Variants in SEC11A observed in about 807,000 individuals in gnomAD.
SEC11A encodes signal peptidase complex catalytic subunit SEC11A.
SEC11A carries 14 observed loss-of-function variants against 25.6 expected under a neutral mutation model. The observed-to-expected ratio is 0.55, with a 90% confidence interval of 0.36 to 0.85. The LOEUF is 0.85. Among genes scored for constraint, SEC11A ranks in the 40% least tolerant of loss-of-function variants. The pLI, the probability that SEC11A is intolerant of heterozygous loss-of-function variation, is 0.01. For synonymous variants in SEC11A, 83 were observed against 76.4 expected (o/e 1.09, Z -0.45); for missense variants, 153 against 222.9 (o/e 0.69, Z 2.00).
intron 4 of SEC11A, among the ~76,000 whole-genome samples, chr15:84,676,934 TAA>T (rs928639622): frequency 1.3e-5 from 2 of 151,622 alleles, no homozygotes; most frequent in African/African-American, 4.8e-5. Context: ...CTACAAAAAT[TAA>T]AAAAATTAGC....
At chr15:84,689,661 G>A (rs1897543987) in intron 2 of SEC11A, among the ~76,000 whole-genome samples, 1 of 148,114 alleles carries the variant, frequency 6.8e-6, no homozygotes, top group Non-Finnish European at 1.5e-5. Context: ...AGGCTGGAGT[G>A]CAATGGAGCG....
chr15:84,672,409 GGCGC>G (rs963254420), intron 4 of SEC11A: 1 of 161,052 alleles, frequency 6.2e-6, no homozygotes, highest in African/African-American at 2.4e-5. Context: ...TGCGATTGCA[GGCGC>G]GCGCCGCCAC....
chr15:84,711,856 AG>A (rs1422569375), intron 1 of SEC11A, among the ~76,000 whole-genome samples: 1 of 151,930 alleles, frequency 6.6e-6, no homozygotes. Context: ...TATGACTATT[AG>A]CTAAAAGGAC....
intron 4 of SEC11A, among the ~76,000 whole-genome samples, chr15:84,674,777 C>T (rs1897093524): frequency 6.6e-6 from 1 of 152,134 alleles, no homozygotes; most frequent in East Asian, 1.9e-4. Context: ...TCAGGCTGGT[C>T]TCAAACTCCT....
intron 1 of SEC11A, among the ~76,000 whole-genome samples, chr15:84,697,749 G>T (rs1173224641): frequency 2.0e-5 from 3 of 152,124 alleles, no homozygotes; most frequent in Non-Finnish European, 1.5e-5. Context: ...AAAAAGTGTT[G>T]CCTCTTTCTG....
intron 1 of SEC11A, among the ~76,000 whole-genome samples, chr15:84,713,145 G>C (rs1348183696): frequency 6.8e-6 from 1 of 148,128 alleles, no homozygotes; most frequent in South Asian, 2.1e-4. Context: ...AGTGAGTCAA[G>C]ATTGCACTAC....
At position 84,671,083 on chromosome 15, in the gene SEC11A, T is replaced by C. The variant is rs143774133; in HGVS notation, c.432-301A>G. ...CAGGTGGTGACTCTAATGCTACATG[T>C]TGATACAGTGCTAGGGGCTAGGTTT... On this transcript the variant is annotated intron_variant, in intron 4 of 5. Coordinates refer to ENST00000268220, the MANE Select transcript of SEC11A (RefSeq NM_014300.4). The C allele has an allele frequency of 1.9e-4, 42 of 223,492 alleles. No individual in the cohort carries two copies. The East Asian group carries it at 3.9e-3, about 21-fold the overall frequency. 13.8% of individuals were successfully genotyped at this position (223,492 alleles called of 1,614,324 possible).
intron 1 of SEC11A, chr15:84,714,612 G>C (rs1440573980): frequency 2.6e-5 from 4 of 152,204 alleles, no homozygotes; most frequent in African/African-American, 9.7e-5. Flanking sequence ...CCAGTAAGTA[G>C]CAGAGCTACT....
At chr15:84,670,459 G>A (rs375240501) in intron 5 of SEC11A, 3 of 276,298 alleles carry the variant, frequency 1.1e-5, no homozygotes, top group South Asian at 5.8e-5. Context: ...GGCTGTTCTC[G>A]AACTCCTGAC....
At position 84,669,978 on chromosome 15, in the gene SEC11A, G is replaced by A. The variant is rs1377289945; in HGVS notation, c.*41C>T. On this transcript the variant is annotated 3_prime_UTR_variant, in exon 6 of 6. Coordinates refer to ENST00000268220, the MANE Select transcript of SEC11A (RefSeq NM_014300.4). Reference sequence around the variant, plus strand: ...GTATCTACTCCAAACATCCAGTAACGAAAACTATGGCATCTTCCCAGGAAC... The same window carrying A: ...GTATCTACTCCAAACATCCAGTAACAAAAACTATGGCATCTTCCCAGGAAC... 27 of 1,612,958 alleles carry A rather than the reference G, an allele frequency of 1.7e-5. No homozygotes were observed. Among genetic ancestry groups the A allele is most frequent in the South Asian group, 2.2e-5 (2 of 90,718 alleles).
chr15:84,695,775 C>T (rs183361231), intron 1 of SEC11A, among the ~76,000 whole-genome samples: 6 of 152,144 alleles, frequency 3.9e-5, no homozygotes, highest in Non-Finnish European at 7.4e-5. Context: ...GCCAAAAGGC[C>T]GAGAAGCGAT....
chr15:84,678,892 G>A (rs1897210787), intron 4 of SEC11A, among the ~76,000 whole-genome samples: 1 of 151,840 alleles, frequency 6.6e-6, no homozygotes, highest in Non-Finnish European at 1.5e-5. Context: ...TACTCGGGAG[G>A]CTGAGGCACA....
rs562829690 is a variant in SEC11A at position 84,711,741 on chromosome 15, C to T, written c.51+4284G>A. On this transcript the variant is annotated intron_variant, in intron 1 of 5. Transcript: ENST00000268220. ...GCGGTGAGCCGAGATCACGTCACTG[C>T]ATTCCAGCCTGGGTGACAGAATAGA... 4.4e-5 allele frequency among the ~76,000 whole-genome samples: 6 copies of T among 135,848 alleles called. No individual in the cohort carries two copies. In the East Asian group the frequency reaches 1.1e-3, roughly 26 times the overall value. The allele number at this position is 135,848 out of a possible 152,430, so 89.1% of individuals were successfully genotyped here. A position where few individuals can be genotyped will look rare whatever the true frequency, so the allele number is the denominator to read the frequency against.
At chr15:84,682,471 C>CA (rs1897305779) in intron 3 of SEC11A, among the ~76,000 whole-genome samples, 1 of 152,044 alleles carries the variant, frequency 6.6e-6, no homozygotes, top group Non-Finnish European at 1.5e-5. Context: ...TGTTTTGAGA[C>CA]AGAGTCTCAC....
chr15:84,700,745 C>T (rs1429477116), intron 1 of SEC11A, among the ~76,000 whole-genome samples: 2 of 150,776 alleles, frequency 1.3e-5, no homozygotes, highest in Non-Finnish European at 2.9e-5. Flanking sequence ...CTTTGGGAAG[C>T]CGAGGCAGGC....
intron 4 of SEC11A, chr15:84,679,247 G>A: frequency 7.9e-7 from 1 of 1,258,946 alleles, no homozygotes; most frequent in Non-Finnish European, 1.0e-6. Context: ...CTTGGGAACT[G>A]AGGAAGATGG....
chr15:84,687,401 C>G (rs1234572885), intron 3 of SEC11A, among the ~76,000 whole-genome samples: 1 of 152,072 alleles, frequency 6.6e-6, no homozygotes, highest in East Asian at 1.9e-4. Flanking sequence ...TAAAAGGGAA[C>G]AAAGAAAAAC....
chr15:84,709,646 T>C (rs908645387), intron 1 of SEC11A, among the ~76,000 whole-genome samples: 20 of 152,104 alleles, frequency 1.3e-4, no homozygotes, highest in African/African-American at 4.6e-4. Context: ...CTTCACTACG[T>C]TGGCCAGGCT....
Position 84,679,860 on chromosome 15 carries a change from G to A in SEC11A, c.431+853C>T, listed in dbSNP as rs74999617. ...GTACACAATAAGCCCTAATAAACGTGAGTTATTGTTAATACTATTAATTAC... is the reference window on the plus strand; with the variant it reads ...GTACACAATAAGCCCTAATAAACGTAAGTTATTGTTAATACTATTAATTAC... On this transcript the variant is annotated intron_variant, in intron 4 of 5. Coordinates refer to ENST00000268220, the MANE Select transcript of SEC11A (RefSeq NM_014300.4). 1,166 of 1,089,484 alleles carry A rather than the reference G, an allele frequency of 1.1e-3. 7 individuals carry two copies. In the African/African-American group the frequency reaches 0.016, roughly 15 times the overall value. The allele number at this position is 1,089,484 out of a possible 1,614,324, so 67.5% of individuals were successfully genotyped here. A position where few individuals can be genotyped will look rare whatever the true frequency, so the allele number is the denominator to read the frequency against.
Sources: allele counts gnomAD v4.1 joint callset (sites outside exome capture counted in the v4.1 genomes callset), GRCh38; gene constraint gnomAD v4.1.1; transcripts MANE v1.5; gene names NCBI Gene and HGNC (gene_info 2026-07-23, HGNC 2026-07-21).